The following MAGEC3 variants were observed in gnomAD, a reference collection of about 807,000 sequenced individuals.
MAGEC3 encodes the protein MAGE family member C3.
In MAGEC3, 34 loss-of-function variants were observed where a neutral mutation model predicts 35.3. The ratio of observed to expected loss-of-function variants is 0.96; its 90% CI spans 0.73 to 1.28. The LOEUF is 1.28. MAGEC3 is among the 50% of genes most tolerant of loss of function. The probability of loss-of-function intolerance (pLI) is 0.00; values close to 1 mark genes in which losing one functional copy is unlikely to be tolerated. For synonymous variants in MAGEC3, 202 were observed against 185.6 expected, an observed-to-expected ratio of 1.09 and a Z score of -0.72; for missense variants, 561 against 483.6, an observed-to-expected ratio of 1.16 and a Z score of -1.50.
chrX:141,893,128 T>G (rs1192798257), intron 4 of MAGEC3, among the ~76,000 whole-genome samples: 3 of 110,080 alleles, frequency 2.7e-5, no homozygotes, highest in Non-Finnish European at 5.7e-5. Context: ...AAGTGCAAAT[T>G]AAAGCACCTA....
intron 1 of MAGEC3, chrX:141,839,843 G>T: frequency 2.0e-6 from 1 of 497,942 alleles, no homozygotes; most frequent in Non-Finnish European, 2.5e-6. Context: ...ATTGGTGGCA[G>T]CAGGGAATGC....
intron 1 of MAGEC3, among the ~76,000 whole-genome samples, chrX:141,841,872 A>G (rs1454476125): frequency 8.9e-6 from 1 of 112,052 alleles, no homozygotes; most frequent in African/African-American, 3.2e-5. Flanking sequence ...TGGCACATGA[A>G]GGACTCGCAG....
At chrX:141,863,069 A>G (rs1348595647) in intron 1 of MAGEC3, among the ~76,000 whole-genome samples, 1 of 112,057 alleles carries the variant, frequency 8.9e-6, no homozygotes, top group Non-Finnish European at 1.9e-5. Flanking sequence ...AAATAAGTAC[A>G]TATATTTTTA....
At chrX:141,880,756 A>T (rs1433997535) in intron 3 of MAGEC3, 6 of 893,885 alleles carry the variant, frequency 6.7e-6, no homozygotes, top group Non-Finnish European at 9.5e-6. Context: ...ATCCTCCTAC[A>T]GGTTCCCAGG....
At position 141,866,892 on chromosome X, in the gene MAGEC3, G is replaced by A. The variant is rs567457273; in HGVS notation, c.258+1287G>A. Among the ~76,000 whole-genome samples the A allele has an allele frequency of 1.9e-4, 21 of 111,839 alleles. No homozygotes were observed. In the East Asian group the frequency reaches 2.5e-3, roughly 14 times the overall value. On this transcript the variant is annotated intron_variant, in intron 2 of 7. Coordinates refer to ENST00000298296, the MANE Select transcript of MAGEC3 (RefSeq NM_138702.1). ...TAATATTACATACTTTCACGTATGC[G>A]TAAATTAATATATGAATAGTGAAAT...
At chrX:141,895,611 A>G (rs769019920) in intron 6 of MAGEC3, 52 bp downstream of exon 6, 28 of 1,096,674 alleles carry the variant, frequency 2.6e-5, no homozygotes, top group Middle Eastern at 3.5e-4. Flanking sequence ...GACTGGGGGA[A>G]CCCCCACCTC....
intron 3 of MAGEC3, chrX:141,880,723 T>C: frequency 3.0e-6 from 2 of 659,880 alleles, no homozygotes; most frequent in East Asian, 4.2e-5. Context: ...GCCTGCCAGC[T>C]GTGCCCCGAG....
In MAGEC3 at chrX:141,881,753, G is replaced by A; in HGVS notation, c.866G>A (p.Cys289Tyr). The A allele has an allele frequency of 8.3e-7, 1 of 1,211,613 alleles. No individual in the cohort carries two copies. The highest frequency in any genetic ancestry group is 1.1e-6 in the Non-Finnish European group (1 of 895,457). The change falls in exon 4 of 8, where the codon TGT becomes TAT. Residue 289 changes from cysteine to tyrosine, a missense_variant. Coordinates refer to ENST00000298296, the MANE Select transcript of MAGEC3 (RefSeq NM_138702.1). ...AGTGTGATCTTCATAAAGGGCAACTGTGCATCTGAGGAGGTCATCTGGGAA... is the reference window on the plus strand; with the variant it reads ...AGTGTGATCTTCATAAAGGGCAACTATGCATCTGAGGAGGTCATCTGGGAA... ...ILSVIFIKGN[C>Y]ASEEVIWEVL...
chrX:141,860,743 T>G (rs771021045), intron 1 of MAGEC3, among the ~76,000 whole-genome samples: 10 of 112,261 alleles, frequency 8.9e-5, no homozygotes, highest in Admixed American at 3.8e-4. Context: ...GTATCTAGCA[T>G]AGACAAATTA....
intron 1 of MAGEC3, among the ~76,000 whole-genome samples, chrX:141,848,030 T>G (rs1206464661): frequency 9.1e-6 from 1 of 110,135 alleles, no homozygotes. Context: ...AACAGGACCA[T>G]CAACAGGGTA....
intron 4 of MAGEC3, among the ~76,000 whole-genome samples, chrX:141,891,838 C>G (rs1490902971): frequency 9.2e-6 from 1 of 108,421 alleles, no homozygotes; most frequent in Admixed American, 1.0e-4. Context: ...ATTGCATTCC[C>G]CTAAAGTTCT....
rs1603064947 is a variant in MAGEC3 at position 141,868,649 on chromosome X, G to A, written c.258+3044G>A. 2.7e-5 allele frequency among the ~76,000 whole-genome samples: 3 copies of A among 110,270 alleles called. No homozygotes were observed. In the South Asian group the frequency reaches 1.2e-3, roughly 42 times the overall value. On this transcript the variant is annotated intron_variant, in intron 2 of 7. Transcript: ENST00000298296. ...AAAAGCCAAGCCTAGCCATGGATTT[G>A]TACCATTAAATACCTATGAGTTGGG...
chrX:141,896,516 G>A (rs375662911), intron 6 of MAGEC3: 1 of 1,189,425 alleles, frequency 8.4e-7, no homozygotes, highest in Admixed American at 2.3e-5. Context: ...CTGTAAGCCA[G>A]CCTTTGTCAG....
At chrX:141,865,982 A>T (rs2017846302) in intron 2 of MAGEC3, among the ~76,000 whole-genome samples, 1 of 110,929 alleles carries the variant, frequency 9.0e-6, no homozygotes, top group African/African-American at 3.3e-5. Context: ...GATTTCATGG[A>T]GGTGATATCC....
chrX:141,880,644 C>G, intron 3 of MAGEC3: 1 of 405,512 alleles, frequency 2.5e-6, no homozygotes, highest in Non-Finnish European at 4.2e-6. Context: ...GCCCTACCCC[C>G]ACAAACAGAG....
intron 6 of MAGEC3, among the ~76,000 whole-genome samples, 154 bp downstream of exon 6, chrX:141,895,713 A>T (rs1404761373): frequency 2.7e-5 from 2 of 73,755 alleles, no homozygotes; most frequent in African/African-American, 1.1e-4. Flanking sequence ...CAGTCCTCTC[A>T]TTGCTGGGGG....
chrX:141,888,888 A>G (rs1313502579), intron 4 of MAGEC3, among the ~76,000 whole-genome samples: 4 of 112,280 alleles, frequency 3.6e-5, no homozygotes, highest in African/African-American at 1.3e-4. Flanking sequence ...GACCTCTTCC[A>G]TCATGGAAAG....
At chrX:141,862,261 A>G (rs768973404) in intron 1 of MAGEC3, among the ~76,000 whole-genome samples, 3 of 112,010 alleles carry the variant, frequency 2.7e-5, no homozygotes, top group Non-Finnish European at 5.6e-5. Flanking sequence ...TAGAATGCCT[A>G]TTATGAAAAG....
chrX:141,860,650 A>G (rs183024542), intron 1 of MAGEC3, among the ~76,000 whole-genome samples: 207 of 112,525 alleles, frequency 1.8e-3, no homozygotes, highest in African/African-American at 6.5e-3. Context: ...ACACTACAAC[A>G]TGAATGAACC....
Sources: allele counts gnomAD v4.1 joint callset (sites outside exome capture counted in the v4.1 genomes callset), GRCh38; gene constraint gnomAD v4.1.1; transcripts MANE v1.5; gene names NCBI Gene and HGNC (gene_info 2026-07-23, HGNC 2026-07-21).